Variants in HPSE2 observed in about 807,000 individuals in gnomAD.
HPSE2 encodes the protein heparanase 2 (inactive), also known as inactive heparanase-2.
HPSE2 carries 38 observed loss-of-function variants against 60.5 expected under a neutral mutation model. The observed-to-expected ratio is 0.63, with a 90% CI of 0.48 to 0.82. The LOEUF (loss-of-function observed/expected upper bound fraction) is 0.82, where lower values mean the gene tolerates loss of function less well. Ranked by LOEUF, HPSE2 falls within the 40% of genes least tolerant of loss-of-function variation. HPSE2 has a pLI of 0.00. For synonymous variants in HPSE2, 295 were observed against 293.2 expected, an observed-to-expected ratio of 1.01 and a Z score of -0.06; for missense variants, 713 against 740.4, an observed-to-expected ratio of 0.96 and a Z score of 0.43.
chr10:98,827,144 C>T (rs1381502643), intron 3 of HPSE2, among the ~76,000 whole-genome samples: 1 of 128,700 alleles, frequency 7.8e-6, no homozygotes, highest in African/African-American at 3.0e-5. Flanking sequence ...GAGCAAGACC[C>T]TGTCTCTAAA....
At chr10:98,817,778 T>A (rs963115501) in intron 3 of HPSE2, among the ~76,000 whole-genome samples, 5 of 152,338 alleles carry the variant, frequency 3.3e-5, no homozygotes, top group African/African-American at 1.2e-4. Context: ...CTCTACTAAA[T>A]GTTTCCTATA....
At chr10:98,649,788 A>C (rs1946868856) in intron 6 of HPSE2, among the ~76,000 whole-genome samples, 1 of 152,180 alleles carries the variant, frequency 6.6e-6, no homozygotes, top group Non-Finnish European at 1.5e-5. Context: ...ATGGTCAAAT[A>C]AGTTTAGGAA....
At chr10:99,225,808 C>T (rs1240579420) in intron 2 of HPSE2, among the ~76,000 whole-genome samples, 2 of 151,988 alleles carry the variant, frequency 1.3e-5, no homozygotes, top group Admixed American at 6.6e-5. Flanking sequence ...TTTCAAGATT[C>T]CCATAATCTG....
chr10:99,185,104 A>C (rs1255916948), intron 2 of HPSE2, among the ~76,000 whole-genome samples: 1 of 151,802 alleles, frequency 6.6e-6, no homozygotes, highest in Non-Finnish European at 1.5e-5. Flanking sequence ...GTTCAAGACC[A>C]GCCTGGCCTA....
chr10:99,001,310 A>C (rs1374811783), intron 3 of HPSE2, among the ~76,000 whole-genome samples: 5 of 152,106 alleles, frequency 3.3e-5, no homozygotes, highest in Admixed American at 3.3e-4. Context: ...GAAGTAGGCT[A>C]ATGCACTCAT....
chr10:98,817,549 C>T (rs2134597054), intron 3 of HPSE2, among the ~76,000 whole-genome samples: 1 of 152,276 alleles, frequency 6.6e-6, no homozygotes, highest in Non-Finnish European at 1.5e-5. Context: ...TCTTGAAACT[C>T]ACAGAGGCTA....
intron 3 of HPSE2, among the ~76,000 whole-genome samples, chr10:98,812,046 C>T (rs969797006): frequency 5.3e-5 from 8 of 152,118 alleles, no homozygotes; most frequent in East Asian, 1.9e-4. Context: ...TTAGTTCCAG[C>T]GACATTTTTG....
chr10:98,729,733 G>A (rs1003900508), intron 4 of HPSE2, among the ~76,000 whole-genome samples: 16 of 151,786 alleles, frequency 1.1e-4, no homozygotes, highest in African/African-American at 3.9e-4. Flanking sequence ...CATTACTAGA[G>A]ATAATATGAG....
the HPSE2 span, among the ~76,000 whole-genome samples, chr10:99,290,156 T>G: frequency 1.3e-4 from 20 of 152,284 alleles, no homozygotes; most frequent in East Asian, 2.1e-3. Context: ...TACATCTTCA[T>G]AAAATGATAA....
intron 2 of HPSE2, among the ~76,000 whole-genome samples, chr10:99,224,974 A>G (rs1302564955): frequency 6.6e-6 from 1 of 152,076 alleles, no homozygotes; most frequent in Non-Finnish European, 1.5e-5. Flanking sequence ...CACTGTGACT[A>G]GACATGGTGA....
At chr10:99,274,706 T>C in the HPSE2 span, among the ~76,000 whole-genome samples, 2 of 152,244 alleles carry the variant, frequency 1.3e-5, no homozygotes, top group African/African-American at 2.4e-5. Context: ...CTTCCCATTC[T>C]GTCTGAGATT....
chr10:99,049,880 ACT>A (rs1191198741), intron 3 of HPSE2, among the ~76,000 whole-genome samples: 1 of 152,200 alleles, frequency 6.6e-6, no homozygotes, highest in Non-Finnish European at 1.5e-5. Flanking sequence ...TATATAATGA[ACT>A]CTGACAACTT....
intron 3 of HPSE2, among the ~76,000 whole-genome samples, chr10:99,133,582 G>A (rs1845530266): frequency 1.3e-5 from 2 of 152,152 alleles, no homozygotes; most frequent in South Asian, 4.1e-4. Flanking sequence ...CTCTGCTGGT[G>A]ATACCCAGGC....
intron 3 of HPSE2, among the ~76,000 whole-genome samples, chr10:98,932,934 G>C (rs1954682377): frequency 7.0e-6 from 1 of 143,126 alleles, no homozygotes; most frequent in East Asian, 2.0e-4. Flanking sequence ...ACAGCTCCTG[G>C]ATTTGTTGAT....
chr10:98,725,713 T>C (rs1407550232), intron 4 of HPSE2, among the ~76,000 whole-genome samples: 4 of 151,912 alleles, frequency 2.6e-5, no homozygotes, highest in African/African-American at 9.7e-5. Context: ...ACCTACAAAA[T>C]GGGAGAAAAT....
At chr10:99,060,768 A>G (rs1021288156) in intron 3 of HPSE2, among the ~76,000 whole-genome samples, 1 of 152,100 alleles carries the variant, frequency 6.6e-6, no homozygotes, top group African/African-American at 2.4e-5. Context: ...ATTTAGCCAT[A>G]AAAAGAATGA....
chr10:99,057,238 CT>C, intron 3 of HPSE2, among the ~76,000 whole-genome samples: 1 of 152,234 alleles, frequency 6.6e-6, no homozygotes, highest in Non-Finnish European at 1.5e-5. Context: ...ATGGGAAAAA[CT>C]TTCAGTTCCT....
At position 98,940,116 on chromosome 10, in the gene HPSE2, C is replaced by T. The variant is rs1164039515; in HGVS notation, c.611-196060G>A. ...AGGGAAATTTATAGCACTAAATGCC[C>T]ACAAGAGAAAGCAGGAAAGATCCAA... On this transcript the variant is annotated intron_variant, in intron 3 of 11. Transcript: ENST00000370552. Among the ~76,000 whole-genome samples the T allele has an allele frequency of 2.8e-5, 4 of 142,908 alleles. 1 individual carries two copies. The highest frequency in any genetic ancestry group is 6.0e-5 in the Non-Finnish European group (4 of 66,938). 93.8% of individuals were successfully genotyped at this position (142,908 alleles called of 152,430 possible). A position where few individuals can be genotyped will look rare whatever the true frequency, so the allele number is the denominator to read the frequency against.
At chr10:98,696,098 C>T (rs1379760918) in intron 5 of HPSE2, among the ~76,000 whole-genome samples, 2 of 152,024 alleles carry the variant, frequency 1.3e-5, no homozygotes, top group Non-Finnish European at 2.9e-5. Context: ...ACCTCCTTCT[C>T]AGATATTCCA....
Sources: allele counts gnomAD v4.1 joint callset (sites outside exome capture counted in the v4.1 genomes callset), GRCh38; gene constraint gnomAD v4.1.1; transcripts MANE v1.5; gene names NCBI Gene and HGNC (gene_info 2026-07-23, HGNC 2026-07-21).